Variants in NLGN4X observed in about 807,000 individuals in gnomAD.
The protein encoded by NLGN4X is neuroligin-4, X-linked.
NLGN4X carries 3 observed loss-of-function variants against 40.3 expected under a neutral mutation model. The observed-to-expected ratio is 0.07, with a 90% confidence interval of 0.03 to 0.19. The LOEUF is 0.19. Among genes scored for constraint, NLGN4X ranks in the 10% least tolerant of loss-of-function variants. The pLI is 1.00. For missense variants in NLGN4X, 382 were observed against 708.3 expected, an observed-to-expected ratio of 0.54 and a Z score of 5.23; for synonymous variants, 270 against 306.8, an observed-to-expected ratio of 0.88 and a Z score of 1.25.
intron 2 of NLGN4X, among the ~76,000 whole-genome samples, chrX:6,042,683 TTTTA>T (rs1371764235): frequency 3.4e-5 from 1 of 29,285 alleles, no homozygotes; most frequent in African/African-American, 1.2e-4. Context: ...CCCATAGAGG[TTTTA>T]TATATATATA....
chrX:5,935,108 G>GA (rs1248872810), intron 3 of NLGN4X, among the ~76,000 whole-genome samples: 1 of 111,557 alleles, frequency 9.0e-6, no homozygotes, highest in Non-Finnish European at 1.9e-5. Flanking sequence ...TACAGAGATA[G>GA]AAAAAAATGA....
At chrX:6,143,012 C>T (rs1322327500) in intron 2 of NLGN4X, among the ~76,000 whole-genome samples, 1 of 112,066 alleles carries the variant, frequency 8.9e-6, no homozygotes, top group African/African-American at 3.2e-5. Flanking sequence ...ATGTCACAGA[C>T]GTTCAACATT....
chrX:5,962,443 T>G (rs1384760434), intron 3 of NLGN4X, among the ~76,000 whole-genome samples: 1 of 112,089 alleles, frequency 8.9e-6, no homozygotes, highest in African/African-American at 3.2e-5. Context: ...CCAACACTTT[T>G]GCAAAAAAGT....
At chrX:6,194,080 A>G (rs111734017) in intron 1 of NLGN4X, among the ~76,000 whole-genome samples, 3,263 of 111,299 alleles carry the variant, frequency 0.029, 125 homozygotes, top group African/African-American at 0.099. Flanking sequence ...GGACTCAGGA[A>G]GCTGAGGTGG....
intron 1 of NLGN4X, among the ~76,000 whole-genome samples, chrX:6,184,563 G>C (rs1389371609): frequency 9.2e-6 from 1 of 109,147 alleles, no homozygotes; most frequent in Non-Finnish European, 1.9e-5. Flanking sequence ...GAATCTCTTA[G>C]ACTCAACACT....
intron 2 of NLGN4X, among the ~76,000 whole-genome samples, chrX:6,067,012 G>A (rs747987651): frequency 6.3e-5 from 7 of 110,901 alleles, no homozygotes; most frequent in Non-Finnish European, 1.3e-4. Context: ...GGGAGGCTGA[G>A]GTGAGAGGGT....
chrX:6,116,661 C>G (rs1347634817), intron 2 of NLGN4X, among the ~76,000 whole-genome samples: 2 of 107,277 alleles, frequency 1.9e-5, no homozygotes, highest in African/African-American at 3.4e-5. Context: ...TCCCGAGTAG[C>G]TGGAACTATA....
chrX:5,953,295 G>A (rs1036422400), intron 3 of NLGN4X, among the ~76,000 whole-genome samples: 4 of 110,991 alleles, frequency 3.6e-5, no homozygotes, highest in African/African-American at 1.3e-4. Flanking sequence ...AGGATTGCTT[G>A]AGCCCAGGAG....
chrX:5,892,543 G>T lies in NLGN4X; in HGVS notation c.*274C>A. The stretch of plus-strand genomic sequence containing the variant: ...TATCACACTAAACATCGATTGGAGT[G>T]GTAGAGATCTTAAAGCAGTTATTTT... On this transcript the variant is annotated 3_prime_UTR_variant, in exon 6 of 6. Transcript: ENST00000381095. 1 of 360,031 alleles carries T rather than the reference G, an allele frequency of 2.8e-6. No individual in the cohort carries two copies. The highest frequency in any genetic ancestry group is 5.2e-5 in the East Asian group (1 of 19,087). The allele number at this position is 360,031 out of a possible 1,213,427, so 29.7% of individuals were successfully genotyped here. A position where few individuals can be genotyped will look rare whatever the true frequency, so the allele number is the denominator to read the frequency against.
chrX:5,927,394 G>A (rs2033374821), intron 3 of NLGN4X, among the ~76,000 whole-genome samples: 1 of 111,982 alleles, frequency 8.9e-6, no homozygotes, highest in Admixed American at 9.5e-5. Flanking sequence ...TGTATGTGGA[G>A]ATGTAGAATG....
chrX:6,062,964 A>G (rs1316772105), intron 2 of NLGN4X, among the ~76,000 whole-genome samples: 1 of 111,150 alleles, frequency 9.0e-6, no homozygotes, highest in Non-Finnish European at 1.9e-5. Flanking sequence ...TTCCTACCCC[A>G]GAGCCTTGGC....
intron 2 of NLGN4X, among the ~76,000 whole-genome samples, chrX:6,095,143 GT>G (rs1465076342): frequency 1.0e-5 from 1 of 95,489 alleles, no homozygotes. Context: ...GTGTGTGTGT[GT>G]GTGTGTAATT....
chrX:6,002,900 G>A (rs1215485399), intron 3 of NLGN4X, among the ~76,000 whole-genome samples: 1 of 111,876 alleles, frequency 8.9e-6, no homozygotes, highest in Non-Finnish European at 1.9e-5. Flanking sequence ...GCATAGCTTT[G>A]GAGAAGATTC....
At chrX:5,963,548 T>C (rs781506340) in intron 3 of NLGN4X, among the ~76,000 whole-genome samples, 54 of 111,808 alleles carry the variant, frequency 4.8e-4, no homozygotes, top group Non-Finnish European at 9.6e-4. Context: ...TCCCTCTAAG[T>C]AACATCTTCA....
chrX:6,082,892 G>T (rs2038385445), intron 2 of NLGN4X, among the ~76,000 whole-genome samples: 1 of 107,674 alleles, frequency 9.3e-6, no homozygotes. Flanking sequence ...CTTCTGTGCT[G>T]TCCCAAGGGT....
chrX:5,958,023 C>T (rs766840077), intron 3 of NLGN4X, among the ~76,000 whole-genome samples: 6 of 111,454 alleles, frequency 5.4e-5, no homozygotes, highest in South Asian at 3.8e-4. Context: ...AATTTTTATG[C>T]ATTTAATATA....
At chrX:6,183,978 ACT>A (rs1224216708) in intron 1 of NLGN4X, among the ~76,000 whole-genome samples, 1 of 112,277 alleles carries the variant, frequency 8.9e-6, no homozygotes, top group Non-Finnish European at 1.9e-5. Flanking sequence ...ACAATTATTC[ACT>A]CTCAGTTAAT....
At position 5,892,779 on chromosome X, in the gene NLGN4X, G is replaced by T; in HGVS notation, c.*38C>A. On this transcript the variant is annotated 3_prime_UTR_variant, in exon 6 of 6. Coordinates refer to ENST00000381095, the MANE Select transcript of NLGN4X (RefSeq NM_181332.3). ...CCTTCCCTCTTCTATGTTGCTGAGC[G>T]GGTAGGGCAGAGGGATAGGAAGGGA... 8.3e-7 allele frequency: 1 copy of T among 1,202,718 alleles called. No individual in the cohort carries two copies. The highest frequency in any genetic ancestry group is 1.1e-6 in the Non-Finnish European group (1 of 888,116).
At chrX:5,992,354 C>A (rs988567627) in intron 3 of NLGN4X, among the ~76,000 whole-genome samples, 6 of 111,624 alleles carry the variant, frequency 5.4e-5, no homozygotes, top group Non-Finnish European at 1.1e-4. Context: ...ATCTGTAATC[C>A]CAGCACTTTA....
Sources: gnomAD v4.1 joint callset for allele counts (sites outside exome capture counted in the v4.1 genomes callset) on GRCh38, gnomAD v4.1.1 for gene constraint, MANE v1.5 for transcripts, NCBI Gene and HGNC (gene_info 2026-07-23, HGNC 2026-07-21) for gene names.